The following LUZP2 variants were observed in gnomAD, a reference collection of about 807,000 sequenced individuals.
LUZP2 encodes leucine zipper protein 2.
A neutral mutation model predicts 51.6 loss-of-function variants in LUZP2; 52 were observed. That is an observed-to-expected ratio of 1.01 (90% CI 0.81 to 1.27). LUZP2 has a LOEUF of 1.27. Among genes scored for constraint, LUZP2 ranks in the 50% most tolerant of loss-of-function variants. The probability of loss-of-function intolerance (pLI) is 0.00; values close to 1 mark genes in which losing one functional copy is unlikely to be tolerated. For missense variants in LUZP2, 436 were observed against 395.4 expected (o/e 1.10, Z -0.87); for synonymous variants, 154 against 137.3 (o/e 1.12, Z -0.85).
At chr11:24,922,837 C>CTTTTTTTTTTT (rs749672583) in intron 7 of LUZP2, among the ~76,000 whole-genome samples, 47 of 47,350 alleles carry the variant, frequency 9.9e-4, no homozygotes, top group African/African-American at 1.4e-3. Context: ...TTTTTTTTTT[C>CTTTTTTTTTTT]TTTTTTTTTT....
In LUZP2 at chr11:25,046,533, G is replaced by A. The variant is rs563682685; in HGVS notation, c.766-3505G>A. 2.0e-5 allele frequency among the ~76,000 whole-genome samples: 3 copies of A among 152,012 alleles called. No homozygotes were observed. In the South Asian group the frequency reaches 6.2e-4, roughly 32 times the overall value. On this transcript the variant is annotated intron_variant, in intron 9 of 11. Transcript: ENST00000336930. ...AAAATCATAAATAAATGATGAAAAG[G>A]AAAGAGAAGGAAACAAAAAATTGTG...
At chr11:24,683,597 A>T (rs912111338) in intron 1 of LUZP2, among the ~76,000 whole-genome samples, 1 of 152,194 alleles carries the variant, frequency 6.6e-6, no homozygotes, top group African/African-American at 2.4e-5. Context: ...TCCATACCAT[A>T]CTTTACATAG....
intron 4 of LUZP2, among the ~76,000 whole-genome samples, chr11:24,741,936 TA>T (rs372253475): frequency 0.29 from 8,713 of 29,962 alleles, 352 homozygotes; most frequent in South Asian, 0.37. Flanking sequence ...ATATTATATA[TA>T]AATATATACA....
chr11:24,774,385 T>TAC (rs1186915708), intron 5 of LUZP2, among the ~76,000 whole-genome samples: 23 of 109,764 alleles, frequency 2.1e-4, no homozygotes, highest in Admixed American at 5.6e-4. Flanking sequence ...TATATATACA[T>TAC]ACACACACAC....
chr11:24,560,893 AG>A (rs1852018761), intron 1 of LUZP2, among the ~76,000 whole-genome samples: 1 of 152,222 alleles, frequency 6.6e-6, no homozygotes. Context: ...AATGGAGTCC[AG>A]GATGCCAGCT....
At chr11:24,909,590 A>C (rs1853563429) in intron 6 of LUZP2, among the ~76,000 whole-genome samples, 4 of 152,168 alleles carry the variant, frequency 2.6e-5, no homozygotes. Flanking sequence ...AGCAGGGAGA[A>C]AATGCCAATC....
intron 5 of LUZP2, among the ~76,000 whole-genome samples, chr11:24,828,479 G>A (rs1590604460): frequency 6.6e-6 from 1 of 150,608 alleles, no homozygotes; most frequent in East Asian, 2.0e-4. Context: ...TCTGATTAGT[G>A]ATTAAGAAAA....
chr11:24,770,667 A>G (rs1394993057), intron 5 of LUZP2, among the ~76,000 whole-genome samples: 2 of 152,204 alleles, frequency 1.3e-5, no homozygotes, highest in Non-Finnish European at 2.9e-5. Flanking sequence ...CCAAATAGCC[A>G]TTGACACATA....
At chr11:24,940,231 C>G (rs1854704773) in intron 7 of LUZP2, among the ~76,000 whole-genome samples, 1 of 152,066 alleles carries the variant, frequency 6.6e-6, no homozygotes, top group Non-Finnish European at 1.5e-5. Context: ...TATATTGCTG[C>G]TTAATGGAGT....
In LUZP2 at chr11:24,658,056, C is replaced by T. The variant is rs189604009; in HGVS notation, c.63-71113C>T. On this transcript the variant is annotated intron_variant, in intron 1 of 11. Transcript: ENST00000336930. Reference sequence around the variant, plus strand: ...ATCAAGCTACAAATGACTTTCTTCACAGAATTGGAAATAACTACTGTAAAG... The same window carrying T: ...ATCAAGCTACAAATGACTTTCTTCATAGAATTGGAAATAACTACTGTAAAG... 1.3e-3 allele frequency among the ~76,000 whole-genome samples: 197 copies of T among 152,286 alleles called. 1 individual carries two copies. Among genetic ancestry groups the T allele is most frequent in the Non-Finnish European group, 2.0e-3 (138 of 68,030 alleles).
In LUZP2 at chr11:24,681,355, A is replaced by G. The variant is rs146400630; in HGVS notation, c.63-47814A>G. On this transcript the variant is annotated intron_variant, in intron 1 of 11. Coordinates refer to ENST00000336930, the MANE Select transcript of LUZP2 (RefSeq NM_001009909.4). ...GGAGCCTTCTCAGACATTCATTCAT[A>G]GAGACATTCTAAGAAAGACTTAGGA... 2.0e-3 allele frequency among the ~76,000 whole-genome samples: 307 copies of G among 152,302 alleles called. 1 individual carries two copies. The highest frequency in any genetic ancestry group is 3.2e-3 in the Non-Finnish European group (219 of 68,024).
intron 9 of LUZP2, among the ~76,000 whole-genome samples, chr11:25,026,168 G>A (rs1271781695): frequency 6.6e-6 from 1 of 151,352 alleles, no homozygotes; most frequent in Non-Finnish European, 1.5e-5. Flanking sequence ...GGGAGGGATA[G>A]CATTAGGAGA....
rs1435355220 is a variant in LUZP2, at chr11:24,985,967, T to A, written c.765+2674T>A. Among the ~76,000 whole-genome samples, 4 of 151,592 alleles carry A rather than the reference T, an allele frequency of 2.6e-5. No individual in the cohort carries two copies. In the East Asian group the frequency reaches 7.8e-4, roughly 30 times the overall value. On this transcript the variant is annotated intron_variant, in intron 9 of 11. Coordinates refer to ENST00000336930, the MANE Select transcript of LUZP2 (RefSeq NM_001009909.4). ...CACTAGACATGAGAAGTAACATGAG[T>A]ATGGTTTTGTGTGTAAGCTAACAGA...
intron 9 of LUZP2, among the ~76,000 whole-genome samples, chr11:25,022,318 G>A (rs1857360698): frequency 6.6e-6 from 1 of 151,916 alleles, no homozygotes; most frequent in Admixed American, 6.6e-5. Flanking sequence ...ATGAACACAT[G>A]GACCATGTCT....
chr11:24,748,361 TC>T (rs1470061086), intron 4 of LUZP2, among the ~76,000 whole-genome samples: 1 of 152,162 alleles, frequency 6.6e-6, no homozygotes, highest in Non-Finnish European at 1.5e-5. Context: ...GGTCTCCCTT[TC>T]CCAATTCCAC....
intron 1 of LUZP2, among the ~76,000 whole-genome samples, chr11:24,559,653 A>C (rs1851972887): frequency 6.6e-6 from 1 of 152,188 alleles, no homozygotes; most frequent in Admixed American, 6.5e-5. Context: ...TAAGTGACAG[A>C]AACTATGCAA....
At chr11:24,782,980 G>A (rs968418763) in intron 5 of LUZP2, among the ~76,000 whole-genome samples, 1 of 151,954 alleles carries the variant, frequency 6.6e-6, no homozygotes, top group Non-Finnish European at 1.5e-5. Context: ...CTTGCAAAGA[G>A]CCAGAAGAGA....
intron 7 of LUZP2, among the ~76,000 whole-genome samples, chr11:24,959,472 T>C (rs1855326429): frequency 6.6e-6 from 1 of 152,166 alleles, no homozygotes; most frequent in Non-Finnish European, 1.5e-5. Context: ...GTCCTTCACG[T>C]CCCTTGTAAG....
intron 1 of LUZP2, among the ~76,000 whole-genome samples, chr11:24,695,877 T>C (rs910248170): frequency 2.6e-5 from 4 of 151,254 alleles, no homozygotes; most frequent in Non-Finnish European, 5.9e-5. Context: ...AAAATATGCA[T>C]ATACTTTTCT....
Sources: gnomAD v4.1 joint callset for allele counts (sites outside exome capture counted in the v4.1 genomes callset) on GRCh38, gnomAD v4.1.1 for gene constraint, MANE v1.5 for transcripts, NCBI Gene and HGNC (gene_info 2026-07-23, HGNC 2026-07-21) for gene names.